The following UBE2E1 variants were observed in gnomAD, a reference collection of about 807,000 sequenced individuals.
The protein encoded by UBE2E1 is ubiquitin conjugating enzyme E2 E1, also known as ubiquitin-conjugating enzyme E2 E1.
Under a neutral mutation model 21.4 loss-of-function variants are expected in UBE2E1, and 6 were observed. The ratio of observed to expected loss-of-function variants is 0.28; its 90% CI spans 0.15 to 0.55. UBE2E1 has a LOEUF of 0.55. Among genes scored for constraint, UBE2E1 ranks in the 20% least tolerant of loss-of-function variants. UBE2E1 has a pLI of 0.93. For missense variants in UBE2E1, 142 were observed against 236.5 expected (o/e 0.60, Z 2.62); for synonymous variants, 87 against 82.7 (o/e 1.05, Z -0.28).
chr3:23,889,319 C>G (rs1157319931), intron 5 of UBE2E1, 60 bp downstream of exon 5: 1 of 1,607,240 alleles, frequency 6.2e-7, no homozygotes, highest in Admixed American at 1.7e-5. Context: ...TACTTGTTTC[C>G]AAAAGCTTTC....
At chr3:23,812,041 C>T (rs1699405239) in intron 3 of UBE2E1, among the ~76,000 whole-genome samples, 2 of 152,072 alleles carry the variant, frequency 1.3e-5, no homozygotes, top group Non-Finnish European at 2.9e-5. Flanking sequence ...TAGAGTTAAA[C>T]TTTCATGGGG....
intron 3 of UBE2E1, among the ~76,000 whole-genome samples, chr3:23,885,785 G>C (rs113638991): frequency 6.6e-5 from 10 of 152,134 alleles, no homozygotes. Flanking sequence ...GCTTGAACCC[G>C]GGAGGCGGAG....
rs967680081 is a variant in UBE2E1, at chr3:23,870,103, A to G, written c.204-17464A>G. 3.3e-5 allele frequency among the ~76,000 whole-genome samples: 5 copies of G among 152,130 alleles called. No homozygotes were observed. Among genetic ancestry groups the G allele is most frequent in the Non-Finnish European group, 7.4e-5 (5 of 68,006 alleles). ...TTTTCCACCTGGGCTGGGAAGGCCC[A>G]CAGCTGAGGGCTGTAACACCTTGGG... On this transcript the variant is annotated intron_variant, in intron 3 of 5. Transcript: ENST00000306627. The surrounding 1 kb of genome is among the most constrained non-coding windows in gnomAD (Gnocchi z 4.2).
chr3:23,836,883 CATGATG>C lies in UBE2E1; in HGVS notation c.203+25375_203+25380del, dbSNP rs1438533496. Among the ~76,000 whole-genome samples the C allele has an allele frequency of 3.3e-5, 5 of 152,226 alleles. No homozygotes were observed. The highest frequency in any genetic ancestry group is 9.6e-5 in the African/African-American group (4 of 41,518). ...CTTTGTGCTAGATGGTGGCATCACT[CATGATG>C]AAGAAGATAAAGCTCTTGTTAAGTA... On this transcript the variant is annotated intron_variant, in intron 3 of 5. Transcript: ENST00000306627. This position sits in a 1 kb window ranked among gnomAD's most constrained non-coding sequence, Gnocchi z 4.1.
chr3:23,822,436 A>G lies in UBE2E1; in HGVS notation c.203+10926A>G, dbSNP rs539615776. Among the ~76,000 whole-genome samples, 9 of 152,100 alleles carry G rather than the reference A, an allele frequency of 5.9e-5. 1 individual carries two copies. In the South Asian group the frequency reaches 1.7e-3, roughly 28 times the overall value. On this transcript the variant is annotated intron_variant, in intron 3 of 5. Transcript: ENST00000306627. ...TGTGGGGAGGATGGGGAAAGGGCCC[A>G]CCATTTTCAGTGGATTCTCAAAGGA...
chr3:23,876,810 C>G lies in UBE2E1; in HGVS notation c.204-10757C>G, dbSNP rs1361858295. On this transcript the variant is annotated intron_variant, in intron 3 of 5. Transcript: ENST00000306627. This position sits in a 1 kb window ranked among gnomAD's most constrained non-coding sequence, Gnocchi z 4.3. Reference sequence around the variant, plus strand: ...CTGTAATGTCAGTGCTTTCAGAGGCCAAGCAGAAGTATCGCTTGAGCCCAG... The same window carrying G: ...CTGTAATGTCAGTGCTTTCAGAGGCGAAGCAGAAGTATCGCTTGAGCCCAG... 1.3e-5 allele frequency among the ~76,000 whole-genome samples: 2 copies of G among 151,892 alleles called. No individual in the cohort carries two copies. Among genetic ancestry groups the G allele is most frequent in the Non-Finnish European group, 2.9e-5 (2 of 68,012 alleles).
intron 3 of UBE2E1, among the ~76,000 whole-genome samples, chr3:23,861,725 G>C (rs1282016232): frequency 6.6e-6 from 1 of 152,250 alleles, no homozygotes; most frequent in Non-Finnish European, 1.5e-5. Flanking sequence ...TCGACTGGTG[G>C]AATGACACAA....
At position 23,806,376 on chromosome 3, in the gene UBE2E1, G is replaced by A. The variant is rs984863136; in HGVS notation, c.-34+288G>A. Among the ~76,000 whole-genome samples the A allele has an allele frequency of 6.6e-5, 10 of 151,298 alleles. No individual in the cohort carries two copies. The highest frequency in any genetic ancestry group is 2.4e-4 in the African/African-American group (10 of 41,310). On this transcript the variant is annotated intron_variant, in intron 1 of 5. Coordinates refer to ENST00000306627, the MANE Select transcript of UBE2E1 (RefSeq NM_003341.5). This position sits in a 1 kb window ranked among gnomAD's most constrained non-coding sequence, Gnocchi z 6.5. ...GCGCTGCCCCAAGAGCCCCCCACTG[G>A]CCACCGAGGGGCCCGGGAGCGGGGG...
intron 1 of UBE2E1, 64 bp from the exon 2 acceptor site, chr3:23,807,173 G>A: frequency 2.2e-6 from 3 of 1,393,882 alleles, no homozygotes; most frequent in South Asian, 1.5e-5. Context: ...GACAGCACCC[G>A]AGTTCCTTAT....
intron 3 of UBE2E1, among the ~76,000 whole-genome samples, chr3:23,874,504 G>C (rs1211933808): frequency 6.6e-6 from 1 of 152,152 alleles, no homozygotes; most frequent in Non-Finnish European, 1.5e-5. Context: ...GCAGTTTTGT[G>C]TATGGTAGCA....
At chr3:23,882,142 A>G (rs1352745889) in intron 3 of UBE2E1, among the ~76,000 whole-genome samples, 2 of 152,202 alleles carry the variant, frequency 1.3e-5, no homozygotes, top group African/African-American at 2.4e-5. Flanking sequence ...GCAGGTTGCC[A>G]CTGCTGGCTC....
At chr3:23,831,315 C>G (rs1366550123) in intron 3 of UBE2E1, among the ~76,000 whole-genome samples, 1 of 152,054 alleles carries the variant, frequency 6.6e-6, no homozygotes, top group Non-Finnish European at 1.5e-5. Flanking sequence ...TCCTGGCTGC[C>G]CACAGCCTGC....
intron 3 of UBE2E1, among the ~76,000 whole-genome samples, chr3:23,841,145 TTTGAAAAGA>T (rs1344967969): frequency 1.3e-5 from 2 of 152,194 alleles, no homozygotes; most frequent in Non-Finnish European, 2.9e-5. Context: ...GGGTGAACTG[TTTGAAAAGA>T]TTGAAAAGAT....
At chr3:23,855,385 C>T (rs914079574) in intron 3 of UBE2E1, among the ~76,000 whole-genome samples, 1 of 151,982 alleles carries the variant, frequency 6.6e-6, no homozygotes, top group Admixed American at 6.6e-5. Flanking sequence ...TTAATTTTAA[C>T]CTTTAAAGTG....
intron 3 of UBE2E1, among the ~76,000 whole-genome samples, chr3:23,814,337 T>C (rs1408106813): frequency 1.3e-5 from 2 of 152,212 alleles, no homozygotes; most frequent in East Asian, 3.8e-4. Context: ...AAATTCTTAA[T>C]GTTGTATATT....
chr3:23,830,630 C>T (rs976161835), intron 3 of UBE2E1, among the ~76,000 whole-genome samples: 9 of 152,158 alleles, frequency 5.9e-5, no homozygotes, highest in African/African-American at 2.2e-4. Context: ...AATCCAGCCA[C>T]TGCTTTTTCT....
intron 3 of UBE2E1, among the ~76,000 whole-genome samples, chr3:23,832,027 G>A (rs1005119775): frequency 4.6e-5 from 7 of 152,150 alleles, no homozygotes; most frequent in Non-Finnish European, 8.8e-5. Context: ...TCTAAAGGAA[G>A]AAAACTTAGT....
intron 3 of UBE2E1, among the ~76,000 whole-genome samples, chr3:23,879,766 G>A (rs1700994936): frequency 6.6e-6 from 1 of 152,202 alleles, no homozygotes; most frequent in Non-Finnish European, 1.5e-5. Flanking sequence ...TTTCTAGCAT[G>A]CTTATCTTCC....
rs34725521 is a variant in UBE2E1, at chr3:23,816,465, G to A, written c.203+4955G>A. 0.19 allele frequency among the ~76,000 whole-genome samples: 29,631 copies of A among 152,188 alleles called. 3,229 individuals carry two copies. Among genetic ancestry groups the A allele is most frequent in the Middle Eastern group, 0.29 (85 of 294 alleles). On this transcript the variant is annotated intron_variant, in intron 3 of 5. Transcript: ENST00000306627. This position sits in a 1 kb window ranked among gnomAD's most constrained non-coding sequence, Gnocchi z 4.8. The stretch of plus-strand genomic sequence containing the variant: ...ATTACGCTTGTAATCCCAGCACTTT[G>A]GGAGGCTGAGGCAGGCGGATCACGA...
Sources: allele counts gnomAD v4.1 joint callset (sites outside exome capture counted in the v4.1 genomes callset), GRCh38; gene constraint gnomAD v4.1.1; non-coding constraint Gnocchi (gnomAD v3.1); transcripts MANE v1.5; gene names NCBI Gene and HGNC (gene_info 2026-07-23, HGNC 2026-07-21).